The following RAP1B variants were observed in gnomAD, a reference collection of about 807,000 sequenced individuals.
The protein encoded by RAP1B is RAP1B, member of RAS oncogene family.
In RAP1B, 1 loss-of-function variant was observed where a neutral mutation model predicts 27.5. The ratio of observed to expected loss-of-function variants is 0.04; its 90% CI spans 0.01 to 0.17. RAP1B has a LOEUF of 0.17. Ranked by LOEUF, RAP1B falls within the 10% of genes least tolerant of loss-of-function variation. The probability of loss-of-function intolerance (pLI) is 1.00; values close to 1 mark genes in which losing one functional copy is unlikely to be tolerated. For missense variants in RAP1B, 84 were observed against 214.8 expected (o/e 0.39, Z 3.81); for synonymous variants, 75 against 73.1 (o/e 1.03, Z -0.13).
intron 1 of RAP1B, among the ~76,000 whole-genome samples, chr12:68,626,042 C>G (rs1019306368): frequency 6.6e-6 from 1 of 152,128 alleles, no homozygotes; most frequent in African/African-American, 2.4e-5. Context: ...TTTGTTTCTC[C>G]TCTCATGGAA....
chr12:68,640,075 G>A (rs1224466710), intron 1 of RAP1B, among the ~76,000 whole-genome samples: 2 of 152,114 alleles, frequency 1.3e-5, no homozygotes, highest in East Asian at 1.9e-4. Flanking sequence ...TCCTGACCTC[G>A]TGATCCACCC....
At chr12:68,621,423 A>G (rs1871379792) in intron 1 of RAP1B, 1 of 152,200 alleles carries the variant, frequency 6.6e-6, no homozygotes, top group Admixed American at 6.5e-5. Flanking sequence ...TAGCTTGTTT[A>G]TACTTGTGTT....
chr12:68,615,885 G>A (rs1448888175), intron 1 of RAP1B, among the ~76,000 whole-genome samples: 1 of 152,010 alleles, frequency 6.6e-6, no homozygotes, highest in African/African-American at 2.4e-5. Context: ...CGGTACTGGG[G>A]GATTGAATGT....
At chr12:68,647,588 A>G (rs932214020) in intron 1 of RAP1B, among the ~76,000 whole-genome samples, 1 of 139,990 alleles carries the variant, frequency 7.1e-6, no homozygotes, top group Non-Finnish European at 1.6e-5. Flanking sequence ...TTTTTTTTTT[A>G]ATTTCCCCAA....
In RAP1B at chr12:68,654,103, C is replaced by A. The variant is rs1453026512; in HGVS notation, c.184-9C>A. ...ATTGTTTTTTAACGTTCCTTTCTTT[C>A]TATTGTAGGAGCAATTTACAGCAAT... is the stretch of plus-strand genomic sequence containing the variant. On this transcript the variant is annotated splice_polypyrimidine_tract_variant and intron_variant, in intron 4 of 7. Coordinates refer to ENST00000250559, the MANE Select transcript of RAP1B (RefSeq NM_001010942.3). The A allele has an allele frequency of 1.0e-5, 16 of 1,570,614 alleles. No individual in the cohort carries two copies. Among genetic ancestry groups the A allele is most frequent in the Non-Finnish European group, 1.1e-5 (13 of 1,148,960 alleles).
At chr12:68,644,069 T>C (rs181430774) in intron 1 of RAP1B, among the ~76,000 whole-genome samples, 1 of 152,172 alleles carries the variant, frequency 6.6e-6, no homozygotes, top group Non-Finnish European at 1.5e-5. Context: ...TGAGGTACAA[T>C]AGATTTCATT....
chr12:68,645,348 C>T (rs1231350286), intron 1 of RAP1B, among the ~76,000 whole-genome samples: 1 of 152,206 alleles, frequency 6.6e-6, no homozygotes. Flanking sequence ...TCAAAATTGT[C>T]CCCCCATGGG....
At position 68,670,362 on chromosome 12, in the gene RAP1B, T is replaced by C. The variant is rs907460494; in HGVS notation, c.*11113T>C. ...AGCACTTTCCAGATATATTAAAATG[T>C]TTTCAAGCTATAAAGTAAAACAGTA... On this transcript the variant is annotated 3_prime_UTR_variant, in exon 8 of 8. Transcript: ENST00000250559. The C allele has an allele frequency of 1.3e-5, 2 of 152,186 alleles. No individual in the cohort carries two copies. The highest frequency in any genetic ancestry group is 4.8e-5 in the African/African-American group (2 of 41,450). 9.4% of individuals were successfully genotyped at this position (152,186 alleles called of 1,614,324 possible). A position where few individuals can be genotyped will look rare whatever the true frequency, so the allele number is the denominator to read the frequency against.
At chr12:68,613,638 A>G (rs1054327270) in intron 1 of RAP1B, among the ~76,000 whole-genome samples, 4 of 152,206 alleles carry the variant, frequency 2.6e-5, no homozygotes, top group African/African-American at 9.6e-5. Context: ...CACCAGTTAA[A>G]TGTAAGTACC....
At chr12:68,631,492 GAGTC>G (rs1872234813) in intron 1 of RAP1B, among the ~76,000 whole-genome samples, 1 of 152,240 alleles carries the variant, frequency 6.6e-6, no homozygotes, top group East Asian at 1.9e-4. Flanking sequence ...CTTATTAAAT[GAGTC>G]AGAGCTCTTC....
At chr12:68,620,499 C>T (rs139685429) in intron 1 of RAP1B, among the ~76,000 whole-genome samples, 149 of 152,150 alleles carry the variant, frequency 9.8e-4, no homozygotes, top group African/African-American at 3.4e-3. Context: ...CTGGGTAGAG[C>T]CACTCTGTGG....
At chr12:68,625,456 A>G (rs563861425) in intron 1 of RAP1B, among the ~76,000 whole-genome samples, 1 of 152,350 alleles carries the variant, frequency 6.6e-6, no homozygotes, top group African/African-American at 2.4e-5. Context: ...GGAAGTACCT[A>G]TGCTCCCACT....
chr12:68,618,698 CTGTCCTAGTAATCAT>C lies in RAP1B; in HGVS notation c.-27+7659_-27+7673del, dbSNP rs571733524. On this transcript the variant is annotated intron_variant, in intron 1 of 7. Coordinates refer to ENST00000250559, the MANE Select transcript of RAP1B (RefSeq NM_001010942.3). ...GAATAAACCAGGTTAGAGTACTTCA[CTGTCCTAGTAATCAT>C]TGTATTATTCACTGCCATGCACTCA... Among the ~76,000 whole-genome samples the C allele has an allele frequency of 9.1e-3, 1,392 of 152,332 alleles. 10 individuals carry two copies. Among genetic ancestry groups the C allele is most frequent in the South Asian group, 0.019 (94 of 4,830 alleles).
chr12:68,617,626 G>A (rs1332838429), intron 1 of RAP1B, among the ~76,000 whole-genome samples: 1 of 152,198 alleles, frequency 6.6e-6, no homozygotes, highest in Non-Finnish European at 1.5e-5. Context: ...CTTTTTTAAA[G>A]CAAAATGTGT....
At chr12:68,654,084 T>G (rs1347025051) in intron 4 of RAP1B, 28 bp from the exon 5 acceptor site, 2 of 1,549,286 alleles carry the variant, frequency 1.3e-6, no homozygotes, top group South Asian at 2.3e-5. Context: ...CATTATTGTT[T>G]TTTAACGTTC....
intron 1 of RAP1B, 36 bp downstream of exon 1, chr12:68,611,079 C>A: frequency 4.1e-6 from 1 of 241,862 alleles, no homozygotes; most frequent in Non-Finnish European, 7.9e-6. Context: ...TGAGGGAAGC[C>A]GCGGCGGCGG....
rs1460249769 is a variant in RAP1B, at chr12:68,664,940, G to A, written c.*5691G>A. On this transcript the variant is annotated 3_prime_UTR_variant, in exon 8 of 8. Transcript: ENST00000250559. ...TATTACATCTGGTTGACTATTAACA[G>A]GTCAATGTCAGATTTCCTGAGCAAA... is the stretch of plus-strand genomic sequence containing the variant. 7 of 152,146 alleles carry A rather than the reference G, an allele frequency of 4.6e-5. No individual in the cohort carries two copies. Among genetic ancestry groups the A allele is most frequent in the Non-Finnish European group, 1.0e-4 (7 of 68,034 alleles). 9.4% of individuals were successfully genotyped at this position (152,146 alleles called of 1,614,324 possible). A position where few individuals can be genotyped will look rare whatever the true frequency, so the allele number is the denominator to read the frequency against.
chr12:68,635,639 G>T (rs537077067), intron 1 of RAP1B, among the ~76,000 whole-genome samples: 1 of 151,584 alleles, frequency 6.6e-6, no homozygotes, highest in Non-Finnish European at 1.5e-5. Context: ...TATTTTGGTA[G>T]AGACGGGGTT....
chr12:68,656,489 TACA>T, intron 6 of RAP1B, 40 bp downstream of exon 6: 1 of 1,561,874 alleles, frequency 6.4e-7, no homozygotes, highest in Non-Finnish European at 8.8e-7. Flanking sequence ...TCATTTGAAG[TACA>T]ACATTGAAGA....
Sources: gnomAD v4.1 joint callset for allele counts (sites outside exome capture counted in the v4.1 genomes callset) on GRCh38, gnomAD v4.1.1 for gene constraint, MANE v1.5 for transcripts, NCBI Gene and HGNC (gene_info 2026-07-23, HGNC 2026-07-21) for gene names.